Variants in SFI1 observed in about 807,000 individuals in gnomAD.
SFI1 encodes SFI1 centrin binding protein, also known as protein SFI1 homolog.
In SFI1, 195 loss-of-function variants were observed where a neutral mutation model predicts 207.5. That is an observed-to-expected ratio of 0.94 (90% CI 0.84 to 1.06). SFI1 has a LOEUF of 1.06. Among genes scored for constraint, SFI1 ranks in the 50% least tolerant of loss-of-function variants. The pLI, the probability that SFI1 is intolerant of heterozygous loss-of-function variation, is 0.00. For synonymous variants in SFI1, 630 were observed against 598.9 expected (o/e 1.05, Z -0.76); for missense variants, 1,634 against 1,588.0 (o/e 1.03, Z -0.49).
intron 15 of SFI1, among the ~76,000 whole-genome samples, chr22:31,594,854 CAAAAAAA>C (rs67157514): frequency 2.6e-5 from 2 of 76,814 alleles, no homozygotes; most frequent in African/African-American, 1.1e-4. Flanking sequence ...GACTCTGTCT[CAAAAAAA>C]AAAAAAAAAA....
rs146128116 is a variant in SFI1 at position 31,508,276 on chromosome 22, CTT to C, written c.-7_-6del. The C allele has an allele frequency of 0.047, 75,414 of 1,596,694 alleles. 2,499 individuals carry two copies. The highest frequency in any genetic ancestry group is 0.12 in the Admixed American group (7,058 of 59,818). The stretch of plus-strand genomic sequence containing the variant: ...GTAGTTAGAAGGGGAAGATAAAAGA[CTT>C]TGATTCATGAAGAATCTGCTCACTG... On this transcript the variant is annotated 5_prime_UTR_variant, in exon 2 of 33. An upstream open reading frame in the 5' UTR loses its in-frame stop. Coordinates refer to ENST00000400288, the MANE Select transcript of SFI1 (RefSeq NM_001007467.3).
At chr22:31,544,009 C>T (rs1030193001) in intron 4 of SFI1, among the ~76,000 whole-genome samples, 7 of 148,306 alleles carry the variant, frequency 4.7e-5, no homozygotes, top group Non-Finnish European at 4.6e-5. Flanking sequence ...GGCAACATGG[C>T]GAAAACCCGT....
At chr22:31,522,951 G>A (rs1602097000) in intron 2 of SFI1, among the ~76,000 whole-genome samples, 1 of 152,116 alleles carries the variant, frequency 6.6e-6, no homozygotes, top group African/African-American at 2.4e-5. Context: ...ACAGCACCCG[G>A]CCTTATTCCT....
At chr22:31,563,892 G>A (rs894747439) in intron 8 of SFI1, among the ~76,000 whole-genome samples, 6 of 150,886 alleles carry the variant, frequency 4.0e-5, no homozygotes, top group Non-Finnish European at 7.4e-5. Flanking sequence ...CAGCCTACAC[G>A]TCTTAATCTA....
At chr22:31,596,676 C>T (rs747979457) in intron 15 of SFI1, among the ~76,000 whole-genome samples, 1 of 149,738 alleles carries the variant, frequency 6.7e-6, no homozygotes, top group Admixed American at 6.8e-5. Context: ...CCCAGCTACT[C>T]GGGAGGCTGA....
chr22:31,535,735 T>C (rs1430755145), intron 4 of SFI1, among the ~76,000 whole-genome samples: 3 of 152,120 alleles, frequency 2.0e-5, no homozygotes, highest in Non-Finnish European at 4.4e-5. Flanking sequence ...TTTTAGTTTT[T>C]AAATTTATAT....
chr22:31,509,459 C>T (rs1422112297), intron 2 of SFI1, among the ~76,000 whole-genome samples: 2 of 152,160 alleles, frequency 1.3e-5, no homozygotes, highest in South Asian at 2.1e-4. Context: ...GTCTGATGTT[C>T]GAGGGCAGGA....
chr22:31,529,037 A>C (rs752517510), intron 3 of SFI1, 174 bp downstream of exon 3: 18 of 562,804 alleles, frequency 3.2e-5, no homozygotes, highest in Non-Finnish European at 4.8e-5. Context: ...GCAGACATAA[A>C]ATCTGTCATT....
intron 14 of SFI1, among the ~76,000 whole-genome samples, chr22:31,589,054 A>T (rs920988659): frequency 6.6e-5 from 10 of 152,142 alleles, no homozygotes; most frequent in African/African-American, 1.9e-4. Flanking sequence ...AATATTTAAG[A>T]TTTATAACAC....
rs1309281431 is a variant in SFI1 at position 31,604,890 on chromosome 22, A to G, written c.1999A>G (p.Ser667Gly). Residue 667 changes from serine (S) to glycine (G), a missense_variant, in exon 20 of 33, where the codon AGC (serine) becomes GGC (glycine). Transcript: ENST00000400288. ...AWVTYQGRVRSILREVAARES... is the reference protein window; with the variant it reads ...AWVTYQGRVRGILREVAARES... ...ACAGACTTACCAGGGCAGGGTGCGA[A>G]GCATCCTCCGGGAGGTGGCAGCCAG... is the stretch of plus-strand genomic sequence containing the variant. 1 of 1,611,982 alleles carries G rather than the reference A, an allele frequency of 6.2e-7. No homozygotes were observed. The highest frequency in any genetic ancestry group is 1.7e-5 in the Admixed American group (1 of 59,820).
intron 8 of SFI1, among the ~76,000 whole-genome samples, chr22:31,572,021 G>A (rs1420127579): frequency 3.9e-5 from 6 of 152,160 alleles, no homozygotes. Flanking sequence ...ACTCGGGAAG[G>A]TGAGAGATAG....
chr22:31,559,692 T>C, intron 7 of SFI1: 3 of 818,792 alleles, frequency 3.7e-6, no homozygotes, highest in South Asian at 2.6e-5. Context: ...ATGACCATTA[T>C]GCAGAATCCA....
At chr22:31,532,351 C>T (rs899531848) in intron 4 of SFI1, among the ~76,000 whole-genome samples, 3 of 152,194 alleles carry the variant, frequency 2.0e-5, no homozygotes, top group Non-Finnish European at 4.4e-5. Flanking sequence ...ATTGCTTTAG[C>T]TGCAGTGCTA....
chr22:31,575,512 C>T, intron 10 of SFI1, 120 bp downstream of exon 10: 1 of 1,064,828 alleles, frequency 9.4e-7, no homozygotes, highest in South Asian at 2.2e-5. Context: ...TCAAAACAGC[C>T]TTATCTCTGT....
Position 31,604,736 on chromosome 22 carries a change from G to A in SFI1, c.1978-133G>A, listed in dbSNP as rs1603325578. 5 of 729,792 alleles carry A rather than the reference G, an allele frequency of 6.9e-6. No individual in the cohort carries two copies. In the Admixed American group the frequency reaches 9.2e-5, roughly 13 times the overall value. The allele number at this position is 729,792 out of a possible 1,614,324, so 45.2% of individuals were successfully genotyped here. A position where few individuals can be genotyped will look rare whatever the true frequency, so the allele number is the denominator to read the frequency against. On this transcript the variant is annotated intron_variant, in intron 19 of 32. Transcript: ENST00000400288. ...GGGTCTGCTGGCCCTGGGACCAGGG[G>A]CTGTTGGCCTCTTCCTACCCTTTTT...
At chr22:31,528,894 G>A (rs760814386) in intron 3 of SFI1, 31 bp downstream of exon 3, 4 of 1,573,416 alleles carry the variant, frequency 2.5e-6, no homozygotes, top group Non-Finnish European at 3.5e-6. Flanking sequence ...CAGTCTATGG[G>A]TACTTTGCTT....
intron 28 of SFI1, 87 bp downstream of exon 28, chr22:31,614,947 T>C: frequency 6.3e-7 from 1 of 1,579,996 alleles, no homozygotes; most frequent in Non-Finnish European, 8.6e-7. Flanking sequence ...GGGGCCTGTG[T>C]TTTGGCAGCC....
chr22:31,569,697 C>T (rs564910162), intron 8 of SFI1, among the ~76,000 whole-genome samples: 94 of 152,240 alleles, frequency 6.2e-4, no homozygotes, highest in African/African-American at 2.2e-3. Context: ...TCTGTAATCC[C>T]AGCACTTTGG....
At chr22:31,572,868 C>T (rs1381766006) in intron 8 of SFI1, 190 bp from the exon 9 acceptor site, 1 of 478,654 alleles carries the variant, frequency 2.1e-6, no homozygotes, top group African/African-American at 1.9e-5. Context: ...CTTTTGAAAG[C>T]AGAATGTCCC....
Sources: allele counts gnomAD v4.1 joint callset (sites outside exome capture counted in the v4.1 genomes callset), GRCh38; gene constraint gnomAD v4.1.1; transcripts MANE v1.5; gene names NCBI Gene and HGNC (gene_info 2026-07-23, HGNC 2026-07-21).